LUZP2: variants seen among roughly 807,000 people sequenced by gnomAD.
LUZP2 encodes leucine zipper protein 2.
A neutral mutation model predicts 51.6 loss-of-function variants in LUZP2; 52 were observed. The ratio of observed to expected loss-of-function variants is 1.01; its 90% CI spans 0.81 to 1.27. LUZP2 has a LOEUF of 1.27. Ranked by LOEUF, LUZP2 falls within the 50% of genes most tolerant of loss-of-function variation. The probability of loss-of-function intolerance (pLI) is 0.00; values close to 1 mark genes in which losing one functional copy is unlikely to be tolerated. For synonymous variants in LUZP2, 154 were observed against 137.3 expected, an observed-to-expected ratio of 1.12 and a Z score of -0.85; for missense variants, 436 against 395.4, an observed-to-expected ratio of 1.10 and a Z score of -0.87.
chr11:24,939,786 G>A (rs1158433634), intron 7 of LUZP2, among the ~76,000 whole-genome samples: 1 of 151,944 alleles, frequency 6.6e-6, no homozygotes, highest in African/African-American at 2.4e-5. Flanking sequence ...AACAAGGTTT[G>A]GAAAAAAATG....
chr11:25,041,381 A>T (rs946463705), intron 9 of LUZP2, among the ~76,000 whole-genome samples: 1 of 152,118 alleles, frequency 6.6e-6, no homozygotes, highest in African/African-American at 2.4e-5. Flanking sequence ...TCTCTCTCTC[A>T]AAATATCTTA....
chr11:25,003,976 G>C (rs138300219), intron 9 of LUZP2, among the ~76,000 whole-genome samples: 1 of 152,160 alleles, frequency 6.6e-6, no homozygotes, highest in Non-Finnish European at 1.5e-5. Context: ...AGGATTCCTC[G>C]GATGGTAACG....
At chr11:24,750,891 T>A (rs934022289) in intron 4 of LUZP2, among the ~76,000 whole-genome samples, 6 of 152,162 alleles carry the variant, frequency 3.9e-5, no homozygotes, top group Admixed American at 3.3e-4. Flanking sequence ...TACTTTCTAC[T>A]CTAATCCTCT....
At chr11:24,921,246 G>A (rs1456456685) in intron 7 of LUZP2, among the ~76,000 whole-genome samples, 5 of 152,110 alleles carry the variant, frequency 3.3e-5, no homozygotes, top group Admixed American at 3.3e-4. Flanking sequence ...CCACATGTGC[G>A]GCAGAAAAGT....
intron 7 of LUZP2, among the ~76,000 whole-genome samples, chr11:24,924,842 T>G (rs1854178853): frequency 6.6e-6 from 1 of 152,172 alleles, no homozygotes; most frequent in Non-Finnish European, 1.5e-5. Context: ...TCTAAAGACC[T>G]GGAATCAACA....
chr11:24,894,798 T>C (rs1054721605), intron 5 of LUZP2, among the ~76,000 whole-genome samples: 5 of 152,216 alleles, frequency 3.3e-5, no homozygotes, highest in Non-Finnish European at 7.3e-5. Context: ...CCCTCTAGAC[T>C]TTATGTATGA....
At chr11:24,607,439 G>A (rs1853966241) in intron 1 of LUZP2, among the ~76,000 whole-genome samples, 1 of 144,818 alleles carries the variant, frequency 6.9e-6, no homozygotes, top group South Asian at 2.2e-4. Context: ...TGTAGTCCTG[G>A]CACCTTTGTC....
Position 24,941,788 on chromosome 11 carries a change from A to G in LUZP2, c.522+27250A>G, listed in dbSNP as rs530383479. ...CAGCTATAAGTATAATTTGTGTTCA[A>G]TAAAATCCATCATTTCAGTTGGACA... On this transcript the variant is annotated intron_variant, in intron 7 of 11. Coordinates refer to ENST00000336930, the MANE Select transcript of LUZP2 (RefSeq NM_001009909.4). Among the ~76,000 whole-genome samples, 9 of 152,286 alleles carry G rather than the reference A, an allele frequency of 5.9e-5. No homozygotes were observed. The East Asian group carries it at 7.7e-4, about 13-fold the overall frequency.
intron 5 of LUZP2, chr11:24,831,823 T>C (rs1850712841): frequency 6.6e-6 from 1 of 152,618 alleles, no homozygotes; most frequent in South Asian, 2.1e-4. Flanking sequence ...TTTTCTTTTT[T>C]TTCCTGTCTG....
chr11:24,868,248 T>C (rs1851955554), intron 5 of LUZP2, among the ~76,000 whole-genome samples: 1 of 152,018 alleles, frequency 6.6e-6, no homozygotes, highest in African/African-American at 2.4e-5. Flanking sequence ...AATTCTTCCT[T>C]ACTGGAGACA....
intron 9 of LUZP2, among the ~76,000 whole-genome samples, chr11:25,030,893 A>ATATATATATAATATATATTATAT (rs1565254129): frequency 1.0e-4 from 4 of 40,084 alleles, no homozygotes; most frequent in Non-Finnish European, 1.5e-4. Flanking sequence ...TATATATATT[A>ATATATATATAATATATATTATAT]TATATATATA....
chr11:24,608,018 T>C (rs893317553), intron 1 of LUZP2, among the ~76,000 whole-genome samples: 4 of 151,810 alleles, frequency 2.6e-5, no homozygotes, highest in African/African-American at 9.7e-5. Flanking sequence ...CCAGCTAATT[T>C]TTTTGTATTT....
At chr11:24,852,114 G>A (rs1410615995) in intron 5 of LUZP2, among the ~76,000 whole-genome samples, 1 of 94,656 alleles carries the variant, frequency 1.1e-5, no homozygotes, top group Non-Finnish European at 2.6e-5. Flanking sequence ...ATCTCCTTCA[G>A]TTCTGCTCTT....
intron 1 of LUZP2, among the ~76,000 whole-genome samples, chr11:24,540,095 A>G (rs2133844342): frequency 6.6e-6 from 1 of 152,232 alleles, no homozygotes; most frequent in African/African-American, 2.4e-5. Context: ...TAATATTACC[A>G]TATGAAACTT....
At chr11:24,926,309 GTATA>G (rs1173697595) in intron 7 of LUZP2, among the ~76,000 whole-genome samples, 2 of 76,528 alleles carry the variant, frequency 2.6e-5, no homozygotes, top group Non-Finnish European at 5.2e-5. Flanking sequence ...ATATACGTGT[GTATA>G]TATATACGTG....
At chr11:24,759,310 T>A (rs1442871259) in intron 4 of LUZP2, among the ~76,000 whole-genome samples, 1 of 152,146 alleles carries the variant, frequency 6.6e-6, no homozygotes, top group African/African-American at 2.4e-5. Context: ...ACAATGTATT[T>A]TCTGTTTCTG....
intron 4 of LUZP2, among the ~76,000 whole-genome samples, chr11:24,750,402 A>C (rs1859534973): frequency 6.6e-6 from 1 of 152,224 alleles, no homozygotes; most frequent in Non-Finnish European, 1.5e-5. Flanking sequence ...GGGGAAAGAA[A>C]GAAGAATGAA....
At chr11:24,917,947 T>C (rs1489979495) in intron 7 of LUZP2, among the ~76,000 whole-genome samples, 4 of 152,154 alleles carry the variant, frequency 2.6e-5, no homozygotes, top group Non-Finnish European at 5.9e-5. Context: ...TTTCATGATA[T>C]TGATTCTTCC....
intron 4 of LUZP2, among the ~76,000 whole-genome samples, chr11:24,755,602 C>G (rs937341001): frequency 2.0e-5 from 3 of 152,176 alleles, no homozygotes; most frequent in Non-Finnish European, 4.4e-5. Flanking sequence ...ATGGACTCCC[C>G]TCTCAGCCAA....
Sources: gnomAD v4.1 joint callset for allele counts (sites outside exome capture counted in the v4.1 genomes callset) on GRCh38, gnomAD v4.1.1 for gene constraint, MANE v1.5 for transcripts, NCBI Gene and HGNC (gene_info 2026-07-23, HGNC 2026-07-21) for gene names.